Variants in MARK1 observed in about 807,000 individuals in gnomAD.
MARK1 encodes the protein serine/threonine-protein kinase MARK1.
A neutral mutation model predicts 96.3 loss-of-function variants in MARK1; 40 were observed. The ratio of observed to expected loss-of-function variants is 0.42; its 90% CI spans 0.32 to 0.54. The LOEUF (loss-of-function observed/expected upper bound fraction) is 0.54. Among genes scored for constraint, MARK1 ranks in the 20% least tolerant of loss-of-function variants. The pLI is 0.16. For synonymous variants in MARK1, 317 were observed against 341.2 expected (o/e 0.93, Z 0.78); for missense variants, 719 against 984.6 (o/e 0.73, Z 3.61).
chr1:220,657,008 A>C (rs1042734808), intron 16 of MARK1, among the ~76,000 whole-genome samples: 4 of 152,212 alleles, frequency 2.6e-5, no homozygotes, highest in African/African-American at 9.6e-5. Context: ...CTAAAACATT[A>C]AGACAGTATT....
At chr1:220,611,737 T>A (rs1365968246) in intron 6 of MARK1, among the ~76,000 whole-genome samples, 2 of 152,120 alleles carry the variant, frequency 1.3e-5, no homozygotes, top group Non-Finnish European at 2.9e-5. Flanking sequence ...TTTTTATTTT[T>A]ATTTTATTTT....
intron 1 of MARK1, among the ~76,000 whole-genome samples, chr1:220,536,443 A>G (rs1025611050): frequency 3.3e-5 from 5 of 150,834 alleles, no homozygotes; most frequent in African/African-American, 1.2e-4. Flanking sequence ...TTTATAAACT[A>G]CTGTGTACAT....
At chr1:220,595,119 CTG>C (rs1665246427) in intron 3 of MARK1, among the ~76,000 whole-genome samples, 1 of 152,176 alleles carries the variant, frequency 6.6e-6, no homozygotes, top group Non-Finnish European at 1.5e-5. Flanking sequence ...TATATGGAAA[CTG>C]TTTGTACTTC....
chr1:220,618,641 G>A lies in MARK1; in HGVS notation c.795G>A (p.Leu265=). The change falls in exon 9 of 18, where the codon CTG becomes CTA. Residue 265 remains leucine (L), a synonymous_variant. Coordinates refer to ENST00000366917, the MANE Select transcript of MARK1 (RefSeq NM_018650.5). The surrounding 1 kb of genome is among the most constrained non-coding windows in gnomAD (Gnocchi z 4.6). ...TTTCTTTCACTTTTATTAAGGAACT[G>A]CGAGAGCGAGTTTTACGAGGGAAGT... ...LPFDGQNLKE[L]RERVLRGKYR... The A allele has an allele frequency of 6.2e-7, 1 of 1,613,736 alleles. No individual in the cohort carries two copies.
In MARK1 at chr1:220,537,305, T is replaced by C. The variant is rs969111336; in HGVS notation, c.51+8432T>C. 1.2e-4 allele frequency among the ~76,000 whole-genome samples: 17 copies of C among 145,628 alleles called. No homozygotes were observed. In the South Asian group the frequency reaches 3.5e-3, roughly 30 times the overall value. ...TTCCTGTGTCCATGTGTTCTCATTGTTCAATTCCCACCTATGAGTGAGAAC... is the reference window on the plus strand; with the variant it reads ...TTCCTGTGTCCATGTGTTCTCATTGCTCAATTCCCACCTATGAGTGAGAAC... On this transcript the variant is annotated intron_variant, in intron 1 of 17. Coordinates refer to ENST00000366917, the MANE Select transcript of MARK1 (RefSeq NM_018650.5).
At chr1:220,625,854 C>T (rs144319626) in intron 9 of MARK1, 279 of 468,922 alleles carry the variant, frequency 5.9e-4, no homozygotes, top group Non-Finnish European at 1.1e-3. Context: ...CTACTACTCA[C>T]AATTTGCTGC....
chr1:220,553,279 C>G (rs1002792733), intron 1 of MARK1, among the ~76,000 whole-genome samples: 34 of 152,188 alleles, frequency 2.2e-4, no homozygotes, highest in African/African-American at 6.8e-4. Context: ...AATAAACAAC[C>G]AGGTACACTG....
intron 3 of MARK1, among the ~76,000 whole-genome samples, chr1:220,590,612 A>G (rs1664922836): frequency 6.6e-6 from 1 of 152,170 alleles, no homozygotes; most frequent in Non-Finnish European, 1.5e-5. Flanking sequence ...TCATTTCATA[A>G]CAGGGATCCA....
chr1:220,631,498 C>T (rs1201799058), intron 10 of MARK1, among the ~76,000 whole-genome samples: 1 of 152,104 alleles, frequency 6.6e-6, no homozygotes, highest in Non-Finnish European at 1.5e-5. Context: ...ATAGAGGCAC[C>T]GAATTAAGAG....
intron 17 of MARK1, among the ~76,000 whole-genome samples, chr1:220,658,727 A>T (rs1669310627): frequency 6.6e-6 from 1 of 152,234 alleles, no homozygotes; most frequent in Non-Finnish European, 1.5e-5. Flanking sequence ...AGTTACTTAA[A>T]ATATAAAACA....
intron 9 of MARK1, among the ~76,000 whole-genome samples, chr1:220,630,261 T>C (rs1355685164): frequency 2.6e-5 from 4 of 152,232 alleles, no homozygotes; most frequent in African/African-American, 7.2e-5. Flanking sequence ...TGGAGAAATA[T>C]CTGTTAATTA....
chr1:220,585,919 C>T (rs1447294612), intron 3 of MARK1, among the ~76,000 whole-genome samples: 2 of 151,954 alleles, frequency 1.3e-5, no homozygotes, highest in Admixed American at 6.6e-5. Flanking sequence ...TCTATCATGA[C>T]CAGTTTAGAC....
intron 3 of MARK1, among the ~76,000 whole-genome samples, chr1:220,591,031 T>C (rs1664948385): frequency 6.6e-6 from 1 of 152,134 alleles, no homozygotes; most frequent in Admixed American, 6.6e-5. Context: ...TGGAGTGACC[T>C]TCTGTTTAGG....
At chr1:220,620,887 A>T (rs189369033) in intron 9 of MARK1, among the ~76,000 whole-genome samples, 1 of 152,232 alleles carries the variant, frequency 6.6e-6, no homozygotes, top group East Asian at 1.9e-4. Flanking sequence ...TTTCCAGGGA[A>T]ACTTGACACC....
At chr1:220,605,849 C>T (rs1188196891) in intron 6 of MARK1, among the ~76,000 whole-genome samples, 2 of 152,060 alleles carry the variant, frequency 1.3e-5, no homozygotes, top group Non-Finnish European at 2.9e-5. Flanking sequence ...GAAACTTATC[C>T]TTTTTTATGG....
chr1:220,649,878 A>G (rs1668778773), intron 13 of MARK1, among the ~76,000 whole-genome samples: 1 of 152,154 alleles, frequency 6.6e-6, no homozygotes, highest in Non-Finnish European at 1.5e-5. Flanking sequence ...ATTGAAAATC[A>G]TTTCTGTATA....
chr1:220,581,818 G>A (rs1406993203), intron 3 of MARK1, among the ~76,000 whole-genome samples: 2 of 152,140 alleles, frequency 1.3e-5, no homozygotes, highest in Non-Finnish European at 2.9e-5. Flanking sequence ...GCTGTTTCAC[G>A]TTACTTCATT....
Position 220,618,251 on chromosome 1 carries a change from C to A in MARK1, c.553-59C>A. The A allele has an allele frequency of 9.0e-7, 1 of 1,114,294 alleles. No homozygotes were observed. Among genetic ancestry groups the A allele is most frequent in the Non-Finnish European group, 1.3e-6 (1 of 750,712 alleles). The allele number at this position is 1,114,294 out of a possible 1,614,324, so 69.0% of individuals were successfully genotyped here. ...AAGTTTGGAAGCTAAAACTCTTTTA[C>A]AAATATTTTTATTTTATGTAGGCTT... is the stretch of plus-strand genomic sequence containing the variant. On this transcript the variant is annotated intron_variant, in intron 7 of 17. Transcript: ENST00000366917. This position sits in a 1 kb window ranked among gnomAD's most constrained non-coding sequence, Gnocchi z 4.6.
intron 1 of MARK1, among the ~76,000 whole-genome samples, chr1:220,574,443 C>T (rs1333926585): frequency 6.6e-6 from 1 of 152,182 alleles, no homozygotes; most frequent in African/African-American, 2.4e-5. Flanking sequence ...CTCTCACTTT[C>T]CAGCCATTTT....
Sources: gnomAD v4.1 joint callset for allele counts (sites outside exome capture counted in the v4.1 genomes callset) on GRCh38, gnomAD v4.1.1 for gene constraint, Gnocchi (gnomAD v3.1) non-coding constraint, MANE v1.5 for transcripts, NCBI Gene and HGNC (gene_info 2026-07-23, HGNC 2026-07-21) for gene names.